PDK2: variants seen among roughly 807,000 people sequenced by gnomAD.
PDK2 encodes the protein pyruvate dehydrogenase kinase, isozyme 2.
In PDK2, 34 loss-of-function variants were observed where a neutral mutation model predicts 50.4. That is an observed-to-expected ratio of 0.68 (90% CI 0.51 to 0.90). PDK2 has a LOEUF of 0.90. Among genes scored for constraint, PDK2 ranks in the 40% least tolerant of loss-of-function variants. PDK2 has a pLI of 0.00. For missense variants in PDK2, 377 were observed against 544.5 expected (o/e 0.69, Z 3.06); for synonymous variants, 232 against 216.0 (o/e 1.07, Z -0.65).
intron 3 of PDK2, 51 bp downstream of exon 3, chr17:50,105,493 T>A: frequency 6.7e-7 from 1 of 1,496,806 alleles, no homozygotes; most frequent in Non-Finnish European, 9.3e-7. Context: ...GCCAGGGGCA[T>A]CTGGGGTTGC....
At position 50,110,974 on chromosome 17, in the gene PDK2, C is replaced by G. The variant is rs2144382546; in HGVS notation, c.*877C>G. 1 of 152,402 alleles carries G rather than the reference C, an allele frequency of 6.6e-6. No individual in the cohort carries two copies. Among genetic ancestry groups the G allele is most frequent in the African/African-American group, 2.4e-5 (1 of 41,562 alleles). The allele number at this position is 152,402 out of a possible 1,614,324, so 9.4% of individuals were successfully genotyped here. A position where few individuals can be genotyped will look rare whatever the true frequency, so the allele number is the denominator to read the frequency against. Reference sequence around the variant, plus strand: ...TGCCCCCACCCTTCCCCTAAGCACACAGGGGTTAAAGCTGTGTGTCCCTCC... The same window carrying G: ...TGCCCCCACCCTTCCCCTAAGCACAGAGGGGTTAAAGCTGTGTGTCCCTCC... On this transcript the variant is annotated 3_prime_UTR_variant, in exon 11 of 11. Coordinates refer to ENST00000503176, the MANE Select transcript of PDK2 (RefSeq NM_002611.5).
intron 4 of PDK2, chr17:50,106,359 T>G: frequency 1.5e-6 from 1 of 678,134 alleles, no homozygotes; most frequent in Non-Finnish European, 2.2e-6. Context: ...ACTCTCATTA[T>G]GTTCAAAAAC....
At position 50,108,687 on chromosome 17, in the gene PDK2, A is replaced by AC. The variant is rs1910649479; in HGVS notation, c.943dup (p.Gln315ProfsTer252). The AC allele has an allele frequency of 6.2e-7, 1 of 1,611,812 alleles. No individual in the cohort carries two copies. The highest frequency in any genetic ancestry group is 1.1e-5 in the South Asian group (1 of 90,628). ...CAGCTACATGTACTCCACAGCACCC[A>AC]CCCCCCAGCCTGGCACCGGGGGAAC... On this transcript the variant is annotated frameshift_variant, in exon 9 of 11. Coordinates refer to ENST00000503176, the MANE Select transcript of PDK2 (RefSeq NM_002611.5). LOFTEE classifies it high-confidence loss of function.
In PDK2 at chr17:50,097,449, T is replaced by C; in HGVS notation, c.145T>C (p.Ser49Pro). 1 of 1,613,794 alleles carries C rather than the reference T, an allele frequency of 6.2e-7. No individual in the cohort carries two copies. Among genetic ancestry groups the C allele is most frequent in the Non-Finnish European group, 8.5e-7 (1 of 1,179,964 alleles). The change falls in exon 2 of 11, where the codon TCC (serine) becomes CCC (proline). Residue 49 changes from serine to proline, a missense_variant. Around this residue, in one of 3 missense-constraint regions of PDK2, gnomAD observed 100 missense variants for 115.5 expected, o/e 0.87. Transcript: ENST00000503176. ...ATCCAGCAATGCCTGTGAGAAAACC[T>C]CCTTCACCTTCCTCAGGCAGGAGCT... Reference protein sequence around the residue: ...FGSSNACEKTSFTFLRQELPV... With the variant: ...FGSSNACEKTPFTFLRQELPV...
At chr17:50,095,830 T>G in intron 1 of PDK2, 1 of 1,162,528 alleles carries the variant, frequency 8.6e-7, no homozygotes, top group South Asian at 2.2e-5. Context: ...AGTGAAGCTG[T>G]GATGTTACTG....
rs1315131754 is a variant in PDK2, at chr17:50,110,575, G to A, written c.*478G>A. On this transcript the variant is annotated 3_prime_UTR_variant, in exon 11 of 11. Coordinates refer to ENST00000503176, the MANE Select transcript of PDK2 (RefSeq NM_002611.5). ...CCCTCCAGACCTGGGGACTGAGTGGGGAAAGGAGTTACACCCGTGAGTGGG... is the reference window on the plus strand; with the variant it reads ...CCCTCCAGACCTGGGGACTGAGTGGAGAAAGGAGTTACACCCGTGAGTGGG... 1 of 152,710 alleles carries A rather than the reference G, an allele frequency of 6.5e-6. No homozygotes were observed. The highest frequency in any genetic ancestry group is 2.4e-5 in the African/African-American group (1 of 41,442). 9.5% of individuals were successfully genotyped at this position (152,710 alleles called of 1,614,324 possible).
intron 2 of PDK2, 98 bp from the exon 3 acceptor site, chr17:50,105,273 G>T (rs556557602): frequency 9.3e-6 from 7 of 749,502 alleles, no homozygotes; most frequent in African/African-American, 3.7e-5. Context: ...TGGGGCCCGC[G>T]TAGGAGCAGG....
At position 50,110,011 on chromosome 17, in the gene PDK2, C is replaced by T. The variant is rs750419499; in HGVS notation, c.1138C>T (p.Arg380Cys). 4.4e-6 allele frequency: 7 copies of T among 1,602,780 alleles called. No individual in the cohort carries two copies. The highest frequency in any genetic ancestry group is 3.4e-5 in the South Asian group (3 of 88,846). Residue 380 changes from arginine to cysteine, a missense_variant, in exon 11 of 11, where the codon CGC (arginine) becomes TGC (cysteine). Arg to Cys is a radical substitution (Grantham distance 180). Coordinates refer to ENST00000503176, the MANE Select transcript of PDK2 (RefSeq NM_002611.5). ...GCCTGTCTACAACAAGTCAGCCTGG[C>T]GCCACTACCAGACCATCCAGGAGGC... ...RLPVYNKSAW[R>C]HYQTIQEAGD...
intron 8 of PDK2, 43 bp from the exon 9 acceptor site, chr17:50,108,569 A>C: frequency 6.6e-7 from 1 of 1,516,676 alleles, no homozygotes; most frequent in Non-Finnish European, 9.1e-7. Context: ...GGGGTGGGGA[A>C]AATGAGCTGT....
intron 2 of PDK2, chr17:50,098,322 G>A (rs556793451): frequency 1.3e-5 from 2 of 152,200 alleles, no homozygotes; most frequent in Non-Finnish European, 2.9e-5. Flanking sequence ...TGATTTCCCT[G>A]TAGACTGAGG....
At chr17:50,095,598 C>T in intron 1 of PDK2, 45 bp downstream of exon 1, 2 of 1,532,778 alleles carry the variant, frequency 1.3e-6, no homozygotes, top group African/African-American at 1.4e-5. Flanking sequence ...GCCGGCGGGG[C>T]GCTGGGAGGG....
rs138234460 is a variant in PDK2 at position 50,105,377 on chromosome 17, C to T, written c.267C>T (p.Val89=). ...PSVQLVQSWY[V]QSLLDIMEFL... The stretch of plus-strand genomic sequence containing the variant: ...CCCTCCCGCCCCCACACAGGTATGT[C>T]CAGAGCCTCCTGGACATCATGGAGT... Residue 89 remains valine, a synonymous_variant, in exon 3 of 11, where the codon GTC becomes GTT. Transcript: ENST00000503176. The T allele has an allele frequency of 6.6e-5, 107 of 1,612,168 alleles. No homozygotes were observed. Among genetic ancestry groups the T allele is most frequent in the Non-Finnish European group, 8.6e-5 (102 of 1,179,214 alleles).
chr17:50,099,360 C>T (rs554224935), intron 2 of PDK2, among the ~76,000 whole-genome samples: 3 of 152,294 alleles, frequency 2.0e-5, no homozygotes, highest in Admixed American at 1.3e-4. Flanking sequence ...CCCCCAGGGG[C>T]CCCTGCAGAG....
chr17:50,097,309 A>G, intron 1 of PDK2, 114 bp from the exon 2 acceptor site: 1 of 1,035,428 alleles, frequency 9.7e-7, no homozygotes, highest in Non-Finnish European at 1.4e-6. Context: ...TGCCCCGGGC[A>G]GGTCACTTGC....
chr17:50,095,295 A>G (rs1010622378), upstream of PDK2: 2 of 592,330 alleles, frequency 3.4e-6, no homozygotes, highest in Non-Finnish European at 3.0e-6. Context: ...TCGAGGCGCC[A>G]TGACGAGCCG....
At position 50,106,272 on chromosome 17, in the gene PDK2, C is replaced by T. The variant is rs552427068; in HGVS notation, c.517+203C>T. The T allele has an allele frequency of 7.4e-5, 102 of 1,382,584 alleles. No homozygotes were observed. The Admixed American group carries it at 2.5e-3, about 33-fold the overall frequency. 85.6% of individuals were successfully genotyped at this position (1,382,584 alleles called of 1,614,324 possible). A position where few individuals can be genotyped will look rare whatever the true frequency, so the allele number is the denominator to read the frequency against. On this transcript the variant is annotated intron_variant, in intron 4 of 10. Coordinates refer to ENST00000503176, the MANE Select transcript of PDK2 (RefSeq NM_002611.5). ...TTCTCATTGATTTTCCATTTCAAAA[C>T]GTTTTGTTTTCAGTGTTTGCAAAAT...
At chr17:50,106,354 CATT>C in intron 4 of PDK2, 1 of 691,480 alleles carries the variant, frequency 1.4e-6, no homozygotes, top group Non-Finnish European at 2.2e-6. Context: ...TAAAAACTCT[CATT>C]ATGTTCAAAA....
rs753250562 is a variant in PDK2 at position 50,110,133 on chromosome 17, GC to G, written c.*38del. The G allele has an allele frequency of 9.1e-6, 14 of 1,546,890 alleles. No homozygotes were observed. In the African/African-American group the frequency reaches 1.8e-4, roughly 19 times the overall value. On this transcript the variant is annotated 3_prime_UTR_variant, in exon 11 of 11. Transcript: ENST00000503176. Reference sequence around the variant, plus strand: ...GCATCTGCACCTGAGAGGACGGACTGCCGCCTCTGGGTCCCCCCACCGTGGT... The same window carrying G: ...GCATCTGCACCTGAGAGGACGGACTGCGCCTCTGGGTCCCCCCACCGTGGT...
At chr17:50,095,342 T>C, upstream of PDK2, 3 of 827,082 alleles carry the variant, frequency 3.6e-6, no homozygotes, top group Non-Finnish European at 5.7e-6. Context: ...AGGGCAAGGG[T>C]AGGGAGGAGG....
Sources: gnomAD v4.1 joint callset for allele counts (sites outside exome capture counted in the v4.1 genomes callset) on GRCh38, gnomAD v4.1.1 for gene constraint, gnomAD v4.1.1 regional missense constraint, MANE v1.5 for transcripts, NCBI Gene and HGNC (gene_info 2026-07-23, HGNC 2026-07-21) for gene names.